The following CCDC83 variants were observed in gnomAD, a reference collection of about 807,000 sequenced individuals.
CCDC83 encodes coiled-coil domain containing 83, also known as coiled-coil domain-containing protein 83.
CCDC83 carries 54 observed loss-of-function variants against 50.1 expected under a neutral mutation model. That is an observed-to-expected ratio of 1.08 (90% CI 0.87 to 1.35). CCDC83 has a LOEUF of 1.35. Ranked by LOEUF, CCDC83 falls within the 40% of genes most tolerant of loss-of-function variation. The pLI is 0.00. For synonymous variants in CCDC83, 161 were observed against 153.3 expected, an observed-to-expected ratio of 1.05 and a Z score of -0.37; for missense variants, 518 against 473.9, an observed-to-expected ratio of 1.09 and a Z score of -0.86.
upstream of CCDC83, chr11:85,855,147 C>G (rs960531208): frequency 3.9e-5 from 6 of 152,458 alleles, no homozygotes; most frequent in Non-Finnish European, 7.3e-5. Context: ...TAGGCCTGGC[C>G]GGCGGGCTGA....
At chr11:85,908,945 T>G (rs2093439459) in intron 7 of CCDC83, among the ~76,000 whole-genome samples, 1 of 151,910 alleles carries the variant, frequency 6.6e-6, no homozygotes, top group South Asian at 2.1e-4. Context: ...TTTTGTTTGT[T>G]TGTTTTGAGA....
intron 7 of CCDC83, among the ~76,000 whole-genome samples, chr11:85,908,508 G>A (rs944645551): frequency 6.6e-5 from 10 of 151,986 alleles, no homozygotes; most frequent in Non-Finnish European, 1.2e-4. Context: ...CCAAGATCAC[G>A]CCACTGCATT....
chr11:85,915,756 T>A (rs2093474608), intron 9 of CCDC83, among the ~76,000 whole-genome samples: 1 of 152,214 alleles, frequency 6.6e-6, no homozygotes, highest in South Asian at 2.1e-4. Flanking sequence ...GAGACTGCTG[T>A]CTACACTGGC....
At chr11:85,874,101 C>G (rs2093255824) in intron 3 of CCDC83, among the ~76,000 whole-genome samples, 1 of 152,192 alleles carries the variant, frequency 6.6e-6, no homozygotes, top group Non-Finnish European at 1.5e-5. Flanking sequence ...CAATTTCACT[C>G]TTGTAAAATG....
At chr11:85,892,233 G>A (rs2093353764) in intron 5 of CCDC83, among the ~76,000 whole-genome samples, 1 of 152,172 alleles carries the variant, frequency 6.6e-6, no homozygotes. Context: ...GCCATTAGAT[G>A]GGGTGTCTGA....
chr11:85,915,929 A>C (rs2093475244), intron 9 of CCDC83, 99 bp from the exon 10 acceptor site: 1 of 815,870 alleles, frequency 1.2e-6, no homozygotes, highest in Admixed American at 2.6e-5. Context: ...GCAATTCTCA[A>C]AGTTCCATCC....
intron 4 of CCDC83, among the ~76,000 whole-genome samples, chr11:85,885,141 G>A (rs2093320611): frequency 6.6e-6 from 1 of 152,028 alleles, no homozygotes. Context: ...TTGAACCTGG[G>A]AGGTGGAGGT....
intron 5 of CCDC83, among the ~76,000 whole-genome samples, chr11:85,892,427 T>A (rs1217732425): frequency 6.6e-6 from 1 of 152,204 alleles, no homozygotes; most frequent in Non-Finnish European, 1.5e-5. Flanking sequence ...ACATTCACCC[T>A]TGTCCTGGGT....
Position 85,915,516 on chromosome 11 carries a change from T to G in CCDC83, c.874+18T>G. 6.5e-7 allele frequency: 1 copy of G among 1,544,180 alleles called. No individual in the cohort carries two copies. The highest frequency in any genetic ancestry group is 8.9e-7 in the Non-Finnish European group (1 of 1,129,610). ...ACATATAGGTATTACTTTATTGCAATAATGATGATGATTTTTTTCAAACTC... is the reference window on the plus strand; with the variant it reads ...ACATATAGGTATTACTTTATTGCAAGAATGATGATGATTTTTTTCAAACTC... On this transcript the variant is annotated intron_variant, in intron 9 of 10. Transcript: ENST00000342404.
chr11:85,891,018 G>C (rs1036367962), intron 5 of CCDC83, among the ~76,000 whole-genome samples: 1 of 152,116 alleles, frequency 6.6e-6, no homozygotes, highest in Non-Finnish European at 1.5e-5. Flanking sequence ...TGAGGAAAGG[G>C]AAGACTGAAG....
intron 5 of CCDC83, among the ~76,000 whole-genome samples, chr11:85,893,170 T>C (rs1235998119): frequency 1.3e-5 from 2 of 152,218 alleles, no homozygotes; most frequent in Non-Finnish European, 2.9e-5. Context: ...CACCAAAGAC[T>C]TGCAGTTTGC....
intron 7 of CCDC83, among the ~76,000 whole-genome samples, chr11:85,901,641 C>CA (rs61687599): frequency 0.32 from 39,072 of 121,886 alleles, 5,606 homozygotes; most frequent in African/African-American, 0.36. Flanking sequence ...GACCACAATA[C>CA]AAAAAAAAAA....
chr11:85,863,359 G>C (rs2093188712), intron 1 of CCDC83, among the ~76,000 whole-genome samples: 1 of 152,198 alleles, frequency 6.6e-6, no homozygotes, highest in African/African-American at 2.4e-5. Flanking sequence ...TCTGTGAACT[G>C]TGGTGGTATC....
At chr11:85,918,772 G>A (rs1364564582) in intron 10 of CCDC83, among the ~76,000 whole-genome samples, 1 of 152,180 alleles carries the variant, frequency 6.6e-6, no homozygotes, top group African/African-American at 2.4e-5. Flanking sequence ...GGGAAAGCAG[G>A]AAGGTATGGT....
intron 5 of CCDC83, 60 bp from the exon 6 acceptor site, chr11:85,895,233 T>C (rs2087669398): frequency 2.4e-6 from 2 of 843,922 alleles, no homozygotes; most frequent in Non-Finnish European, 3.6e-6. Flanking sequence ...TAGTTTTACC[T>C]AGAATCATGC....
intron 7 of CCDC83, among the ~76,000 whole-genome samples, chr11:85,902,624 C>T (rs1256487260): frequency 1.3e-5 from 2 of 152,062 alleles, no homozygotes; most frequent in African/African-American, 2.4e-5. Context: ...CTGAAAACTG[C>T]CTCCTCTTCT....
intron 1 of CCDC83, among the ~76,000 whole-genome samples, chr11:85,858,394 C>A (rs913725076): frequency 1.3e-5 from 2 of 152,214 alleles, no homozygotes; most frequent in African/African-American, 2.4e-5. Context: ...CCAGACCTGC[C>A]CTTCGCCTTC....
At chr11:85,881,134 C>A (rs528110806) in intron 3 of CCDC83, among the ~76,000 whole-genome samples, 2 of 151,942 alleles carry the variant, frequency 1.3e-5, no homozygotes, top group Non-Finnish European at 2.9e-5. Flanking sequence ...TTTGGGAGGC[C>A]GCGGCAGATG....
intron 5 of CCDC83, among the ~76,000 whole-genome samples, chr11:85,890,173 G>A (rs1175335010): frequency 6.6e-6 from 1 of 152,200 alleles, no homozygotes; most frequent in Non-Finnish European, 1.5e-5. Context: ...GGGCATTCAG[G>A]TCTAGTTTAT....
Sources: gnomAD v4.1 joint callset for allele counts (sites outside exome capture counted in the v4.1 genomes callset) on GRCh38, gnomAD v4.1.1 for gene constraint, MANE v1.5 for transcripts, NCBI Gene and HGNC (gene_info 2026-07-23, HGNC 2026-07-21) for gene names.